JMJD1C: variants seen among roughly 807,000 people sequenced by gnomAD.
JMJD1C encodes jumonji domain-containing protein 1C.
JMJD1C carries 31 observed loss-of-function variants against 245.3 expected under a neutral mutation model. The ratio of observed to expected loss-of-function variants is 0.13; its 90% CI spans 0.09 to 0.17. The LOEUF (loss-of-function observed/expected upper bound fraction) is 0.17, where lower values mean the gene tolerates loss of function less well. Ranked by LOEUF, JMJD1C falls within the 10% of genes least tolerant of loss-of-function variation. JMJD1C has a pLI of 1.00. For missense variants in JMJD1C, 2,691 were observed against 3,000.2 expected (o/e 0.90, Z 2.41); for synonymous variants, 1,057 against 1,017.4 (o/e 1.04, Z -0.74).
chr10:63,426,756 A>T (rs1950464580), intron 1 of JMJD1C, among the ~76,000 whole-genome samples: 1 of 152,228 alleles, frequency 6.6e-6, no homozygotes, highest in Non-Finnish European at 1.5e-5. Flanking sequence ...AAAGAAAATG[A>T]AATATATGAA....
chr10:63,486,144 AAAAAAAAAAAAAAAAAAAAAAAAAC>A (rs1328659261), intron 1 of JMJD1C, among the ~76,000 whole-genome samples: 1 of 58,688 alleles, frequency 1.7e-5, no homozygotes, highest in African/African-American at 4.9e-5. Flanking sequence ...TTGTAAAAAA[AAAAAAAAAAAAAAAAAAAAAAAAAC>A]AAAAAACAGA....
chr10:63,368,056 T>C (rs1276292016), intron 2 of JMJD1C, among the ~76,000 whole-genome samples: 1 of 152,184 alleles, frequency 6.6e-6, no homozygotes, highest in African/African-American at 2.4e-5. Flanking sequence ...TCCAAATTAA[T>C]TTCAAATAGT....
chr10:63,172,934 G>A (rs1842513779), intron 24 of JMJD1C, among the ~76,000 whole-genome samples: 2 of 148,870 alleles, frequency 1.3e-5, no homozygotes, highest in Admixed American at 6.8e-5. Context: ...GGGGAAGTGT[G>A]GATATGTAAA....
chr10:63,385,555 G>T (rs751093848), intron 1 of JMJD1C, among the ~76,000 whole-genome samples: 22 of 149,658 alleles, frequency 1.5e-4, no homozygotes, highest in Non-Finnish European at 2.8e-4. Context: ...CTCCCACCAT[G>T]GCCTCCCAAG....
At chr10:63,400,137 T>A (rs1307129509) in intron 1 of JMJD1C, among the ~76,000 whole-genome samples, 1 of 152,210 alleles carries the variant, frequency 6.6e-6, no homozygotes, top group Non-Finnish European at 1.5e-5. Context: ...TGAACCATTT[T>A]ATTCAATCAG....
intron 1 of JMJD1C, among the ~76,000 whole-genome samples, chr10:63,450,454 T>C (rs553351371): frequency 6.6e-6 from 1 of 152,020 alleles, no homozygotes; most frequent in East Asian, 1.9e-4. Flanking sequence ...TCATGTCTCT[T>C]AAAAAGAGAA....
intron 3 of JMJD1C, among the ~76,000 whole-genome samples, chr10:63,221,058 C>G (rs949487963): frequency 6.8e-6 from 1 of 146,708 alleles, no homozygotes; most frequent in East Asian, 2.0e-4. Flanking sequence ...TGCAATGGGC[C>G]GAGATCACAC....
chr10:63,449,448 C>T lies in JMJD1C; in HGVS notation c.168+16047G>A, dbSNP rs147073981. On this transcript the variant is annotated intron_variant, in intron 1 of 25. Transcript: ENST00000399262. ...ATAACACTTTTCATATATATAAAGT[C>T]TACTGTAACTTTATTAAGCCTATGA... Among the ~76,000 whole-genome samples the T allele has an allele frequency of 3.2e-3, 490 of 152,138 alleles. 2 individuals are homozygous for T. The highest frequency in any genetic ancestry group is 0.011 in the African/African-American group (475 of 41,526).
At chr10:63,472,985 A>G (rs1037889340) in intron 1 of JMJD1C, among the ~76,000 whole-genome samples, 1 of 151,530 alleles carries the variant, frequency 6.6e-6, no homozygotes, top group Non-Finnish European at 1.5e-5. Context: ...GGGTCTCATC[A>G]TGTTGGCCAG....
At chr10:63,286,034 GA>G (rs67907125) in intron 2 of JMJD1C, among the ~76,000 whole-genome samples, 130,711 of 152,110 alleles carry the variant, frequency 0.86, 56,869 homozygotes, top group African/African-American at 0.96. Flanking sequence ...CAGATTTACT[GA>G]AATCAGAAAT....
At chr10:63,175,929 G>A (rs1842827787) in intron 24 of JMJD1C, among the ~76,000 whole-genome samples, 1 of 152,258 alleles carries the variant, frequency 6.6e-6, no homozygotes, top group Non-Finnish European at 1.5e-5. Flanking sequence ...CTAGCATGCT[G>A]AAGAAAGGTA....
At chr10:63,254,215 A>C (rs1409104220) in intron 3 of JMJD1C, among the ~76,000 whole-genome samples, 1 of 152,222 alleles carries the variant, frequency 6.6e-6, no homozygotes, top group East Asian at 1.9e-4. Context: ...ACAAACAAAA[A>C]ACAGCAAAAC....
chr10:63,217,080 C>A, intron 5 of JMJD1C, 127 bp downstream of exon 5: 1 of 813,196 alleles, frequency 1.2e-6, no homozygotes, highest in Non-Finnish European at 1.9e-6. Context: ...TTTAAACTTA[C>A]TAGAATTACA....
chr10:63,232,434 T>C (rs149272299), intron 3 of JMJD1C, among the ~76,000 whole-genome samples: 27 of 152,260 alleles, frequency 1.8e-4, no homozygotes, highest in African/African-American at 5.5e-4. Context: ...AAATGAAAAA[T>C]GTAAAACTGA....
upstream of JMJD1C, chr10:63,466,055 G>C (rs1407233434): frequency 9.0e-6 from 2 of 222,178 alleles, no homozygotes; most frequent in African/African-American, 4.7e-5. Flanking sequence ...GCAGCCGCGG[G>C]AGGGTCGGCG....
chr10:63,499,668 G>C (rs998888488), intron 1 of JMJD1C, among the ~76,000 whole-genome samples: 28 of 151,620 alleles, frequency 1.8e-4, no homozygotes, highest in African/African-American at 3.9e-4. Context: ...CAAATACTAA[G>C]AAAAAAAGAA....
intron 2 of JMJD1C, among the ~76,000 whole-genome samples, chr10:63,281,131 C>T (rs1214805728): frequency 8.1e-6 from 1 of 123,002 alleles, no homozygotes. Flanking sequence ...CACACCCGGC[C>T]TTTTTTTTTT....
chr10:63,363,367 T>C (rs1945564456), intron 2 of JMJD1C, among the ~76,000 whole-genome samples: 1 of 149,830 alleles, frequency 6.7e-6, no homozygotes, highest in Admixed American at 6.7e-5. Context: ...CAAGCAATTC[T>C]CTTGCCTCAG....
intron 1 of JMJD1C, among the ~76,000 whole-genome samples, chr10:63,493,368 TCTCCTGCCTCTGCCTCATGA>T (rs1462131129): frequency 1.4e-5 from 2 of 147,798 alleles, no homozygotes; most frequent in Non-Finnish European, 3.0e-5. Context: ...TTCAAGCGAT[TCTCCTGCCTCTGCCTCATGA>T]CTCCTGCCTC....
Sources: gnomAD v4.1 joint callset for allele counts (sites outside exome capture counted in the v4.1 genomes callset) on GRCh38, gnomAD v4.1.1 for gene constraint, MANE v1.5 for transcripts, NCBI Gene and HGNC (gene_info 2026-07-23, HGNC 2026-07-21) for gene names.